RBFOX1: variants seen among roughly 807,000 people sequenced by gnomAD.
RBFOX1 encodes the protein RNA binding fox-1 homolog 1, also known as RNA binding protein fox-1 homolog 1.
A neutral mutation model predicts 57.7 loss-of-function variants in RBFOX1; 8 were observed. The observed-to-expected ratio is 0.14, with a 90% CI of 0.08 to 0.25. The LOEUF (loss-of-function observed/expected upper bound fraction) is 0.25. RBFOX1 is among the 10% of genes least tolerant of loss of function. The probability of loss-of-function intolerance (pLI) is 1.00; values close to 1 mark genes in which losing one functional copy is unlikely to be tolerated. For missense variants in RBFOX1, 611 were observed against 548.5 expected (o/e 1.11, Z -1.14); for synonymous variants, 326 against 222.4 (o/e 1.47, Z -4.15).
intron 4 of RBFOX1, among the ~76,000 whole-genome samples, chr16:7,086,295 T>C (rs758666686): frequency 6.6e-6 from 1 of 152,228 alleles, no homozygotes; most frequent in Non-Finnish European, 1.5e-5. Flanking sequence ...GTTTTCTCTG[T>C]GTGCCATGTA....
intron 3 of RBFOX1, among the ~76,000 whole-genome samples, chr16:6,924,792 T>C (rs1312437184): frequency 2.0e-5 from 3 of 151,416 alleles, no homozygotes; most frequent in African/African-American, 2.4e-5. Flanking sequence ...TAACTTGTCA[T>C]TTAGCATTAG....
rs1567535928 is a variant in RBFOX1, at chr16:5,454,958, C to CTTTCTTTCTTT, written c.220-12258_220-12257insTTTCTTTCTTT. Among the ~76,000 whole-genome samples, 38 of 30,410 alleles carry CTTTCTTTCTTT rather than the reference C, an allele frequency of 1.2e-3. 1 individual carries two copies. Among genetic ancestry groups the CTTTCTTTCTTT allele is most frequent in the East Asian group, 3.4e-3 (3 of 874 alleles). The allele number at this position is 30,410 out of a possible 152,430, so 20.0% of individuals were successfully genotyped here. On this transcript the variant is annotated intron_variant, in intron 1 of 2. Transcript: ENST00000585867. ...TCCTTCCTTCCTTCCTTCCTTCCTT[C>CTTTCTTTCTTT]CTTTCTTTCTTTCTTTCTTTCTTTC... is the stretch of plus-strand genomic sequence containing the variant.
chr16:7,502,478 G>T (rs769107801), intron 4 of RBFOX1, among the ~76,000 whole-genome samples: 2 of 152,172 alleles, frequency 1.3e-5, no homozygotes, highest in Non-Finnish European at 1.5e-5. Context: ...CCTCCACAAA[G>T]CCATTGGGTT....
chr16:6,393,341 A>T (rs1194297053), intron 2 of RBFOX1, among the ~76,000 whole-genome samples: 2 of 152,202 alleles, frequency 1.3e-5, no homozygotes, highest in African/African-American at 4.8e-5. Context: ...CTAGATAGAC[A>T]GTCACCTGTG....
intron 3 of RBFOX1, among the ~76,000 whole-genome samples, chr16:5,763,774 C>A (rs781750321): frequency 6.6e-6 from 1 of 152,174 alleles, no homozygotes; most frequent in Non-Finnish European, 1.5e-5. Flanking sequence ...TCACAGAGCT[C>A]ATCACTTCCT....
chr16:7,390,981 C>A (rs977910168), intron 4 of RBFOX1, among the ~76,000 whole-genome samples: 3 of 152,034 alleles, frequency 2.0e-5, no homozygotes, highest in Admixed American at 6.6e-5. Context: ...AGGGAGTTTC[C>A]TGGAGGGTGT....
intron 4 of RBFOX1, among the ~76,000 whole-genome samples, chr16:7,471,376 A>G (rs147308302): frequency 2.2e-3 from 333 of 152,268 alleles, no homozygotes; most frequent in Non-Finnish European, 3.7e-3. Context: ...TTTAATGTAC[A>G]TACACTTATA....
chr16:5,879,697 A>T (rs556719871), intron 4 of RBFOX1, among the ~76,000 whole-genome samples: 3 of 152,298 alleles, frequency 2.0e-5, no homozygotes, highest in African/African-American at 7.2e-5. Context: ...GTTAACCATG[A>T]AATCTCAATG....
chr16:7,479,538 C>T (rs1326171795), intron 4 of RBFOX1, among the ~76,000 whole-genome samples: 4 of 152,148 alleles, frequency 2.6e-5, no homozygotes, highest in Non-Finnish European at 5.9e-5. Context: ...GACTCAAGAG[C>T]CTGCCTTTTC....
intron 2 of RBFOX1, among the ~76,000 whole-genome samples, chr16:6,352,617 C>CT (rs1327264341): frequency 6.6e-6 from 1 of 152,190 alleles, no homozygotes; most frequent in African/African-American, 2.4e-5. Flanking sequence ...CCTGTCCTTG[C>CT]TTTGGGTTAC....
chr16:7,353,235 C>A (rs549413468), intron 4 of RBFOX1, among the ~76,000 whole-genome samples: 12 of 152,042 alleles, frequency 7.9e-5, no homozygotes, highest in Admixed American at 6.5e-4. Context: ...CCATCACTAG[C>A]CATAAATAAA....
At chr16:6,070,159 A>G (rs1182343725) in intron 1 of RBFOX1, among the ~76,000 whole-genome samples, 1 of 152,236 alleles carries the variant, frequency 6.6e-6, no homozygotes, top group African/African-American at 2.4e-5. Flanking sequence ...AGAACTTTGT[A>G]CAACTAAACT....
At chr16:6,646,548 C>G (rs768424926) in intron 2 of RBFOX1, among the ~76,000 whole-genome samples, 1 of 152,030 alleles carries the variant, frequency 6.6e-6, no homozygotes. Flanking sequence ...TTGATTAACA[C>G]CTGCCACTTC....
intron 2 of RBFOX1, among the ~76,000 whole-genome samples, chr16:6,478,512 G>C (rs1459276123): frequency 7.0e-6 from 1 of 143,210 alleles, no homozygotes. Context: ...CTGACCTTGT[G>C]ATTCACTTGC....
chr16:7,046,881 C>G (rs959106585), intron 3 of RBFOX1, among the ~76,000 whole-genome samples: 2 of 152,212 alleles, frequency 1.3e-5, no homozygotes, highest in South Asian at 2.1e-4. Context: ...TCTGGAATTA[C>G]AGGCGTGAGC....
intron 2 of RBFOX1, among the ~76,000 whole-genome samples, chr16:6,505,033 G>T (rs780848419): frequency 6.6e-6 from 1 of 152,078 alleles, no homozygotes; most frequent in Non-Finnish European, 1.5e-5. Flanking sequence ...AGATTGTGCT[G>T]CTCTACTCCA....
chr16:5,300,135 C>T lies in RBFOX1; in HGVS notation c.219+60030C>T, dbSNP rs118040913. On this transcript the variant is annotated intron_variant, in intron 1 of 2. Transcript: ENST00000585867. The stretch of plus-strand genomic sequence containing the variant: ...CTTTTTGAGTCATGAACCAATCTTA[C>T]ATTCCTGAGATAAATCTCATTTGGT... Among the ~76,000 whole-genome samples the T allele has an allele frequency of 1.1e-3, 165 of 151,886 alleles. 3 individuals carry two copies. The East Asian group carries it at 0.03, about 28-fold the overall frequency.
chr16:5,947,287 C>A lies in RBFOX1; in HGVS notation c.351+79952C>A, dbSNP rs1015073470. 1.3e-5 allele frequency among the ~76,000 whole-genome samples: 2 copies of A among 152,138 alleles called. No individual in the cohort carries two copies. The highest frequency in any genetic ancestry group is 4.8e-5 in the African/African-American group (2 of 41,442). Reference sequence around the variant, plus strand: ...AGTGGGTAAGGAGGAGGTGGCCAAGCTGAGGTCAGAGGGGGAGGTCAGATC... The same window carrying A: ...AGTGGGTAAGGAGGAGGTGGCCAAGATGAGGTCAGAGGGGGAGGTCAGATC... On this transcript the variant is annotated intron_variant, in intron 4 of 19. Coordinates refer to the RBFOX1 transcript ENST00000641259. The surrounding 1 kb of genome is among the most constrained non-coding windows in gnomAD (Gnocchi z 7.2).
intron 2 of RBFOX1, among the ~76,000 whole-genome samples, 168 bp from the exon 3 acceptor site, chr16:6,654,435 G>A (rs114255422): frequency 0.016 from 2,368 of 152,236 alleles, 64 homozygotes; most frequent in African/African-American, 0.053. Flanking sequence ...ACCGCAGTAT[G>A]TACCTTTAAA....
Sources: gnomAD v4.1 joint callset for allele counts (sites outside exome capture counted in the v4.1 genomes callset) on GRCh38, gnomAD v4.1.1 for gene constraint, Gnocchi (gnomAD v3.1) non-coding constraint, MANE v1.5 for transcripts, NCBI Gene and HGNC (gene_info 2026-07-23, HGNC 2026-07-21) for gene names.